UTP20: variants seen among roughly 807,000 people sequenced by gnomAD.
The protein encoded by UTP20 is small subunit processome component 20 homolog.
Under a neutral mutation model 329.5 loss-of-function variants are expected in UTP20, and 164 were observed. The ratio of observed to expected loss-of-function variants is 0.50; its 90% CI spans 0.44 to 0.57. UTP20 has a LOEUF of 0.57. Among genes scored for constraint, UTP20 ranks in the 20% least tolerant of loss-of-function variants. The probability of loss-of-function intolerance (pLI) is 0.00; values close to 1 mark genes in which losing one functional copy is unlikely to be tolerated. For synonymous variants in UTP20, 1,151 were observed against 1,159.3 expected, an observed-to-expected ratio of 0.99 and a Z score of 0.14; for missense variants, 3,055 against 3,284.2, an observed-to-expected ratio of 0.93 and a Z score of 1.71.
At chr12:101,360,234 G>GT (rs999882453) in intron 43 of UTP20, among the ~76,000 whole-genome samples, 1 of 152,034 alleles carries the variant, frequency 6.6e-6, no homozygotes, top group East Asian at 1.9e-4. Context: ...CCACCAAAAG[G>GT]TTTTTTTACA....
At chr12:101,293,064 A>G (rs1327631496) in intron 10 of UTP20, 104 bp from the exon 11 acceptor site, 2 of 1,140,338 alleles carry the variant, frequency 1.8e-6, no homozygotes, top group Admixed American at 1.8e-5. Flanking sequence ...TGGACAGAGC[A>G]CTGAGTGAAG....
chr12:101,291,540 C>CA (rs34248827), intron 8 of UTP20: 8,935 of 76,440 alleles, frequency 0.12, 508 homozygotes, highest in Non-Finnish European at 0.14. Context: ...AACTCCATCT[C>CA]AAAAAAAAAA....
At chr12:101,367,744 T>G in intron 47 of UTP20, 116 bp from the exon 48 acceptor site, 1 of 689,350 alleles carries the variant, frequency 1.5e-6, no homozygotes, top group Non-Finnish European at 2.5e-6. Flanking sequence ...TGTTTTATCA[T>G]TTCTAATAGA....
rs1325411452 is a variant in UTP20 at position 101,371,045 on chromosome 12, T to C, written c.6688-13T>C. On this transcript the variant is annotated splice_polypyrimidine_tract_variant and intron_variant, in intron 50 of 61. Transcript: ENST00000261637. ...CACATGAAATGAGTATGTCTTTTCC[T>C]TTTGTATCTTAGGCAATTTTATCAA... The C allele has an allele frequency of 6.2e-7, 1 of 1,612,682 alleles. No homozygotes were observed. Among genetic ancestry groups the C allele is most frequent in the Middle Eastern group, 1.7e-4 (1 of 6,054 alleles).
Position 101,320,897 on chromosome 12 carries a change from T to C in UTP20, c.2875T>C (p.Cys959Arg). The C allele has an allele frequency of 1.2e-6, 2 of 1,612,072 alleles. No individual in the cohort carries two copies. The highest frequency in any genetic ancestry group is 8.5e-7 in the Non-Finnish European group (1 of 1,179,668). ...AATGGTGCAAAAAATAACCTTGGAT[T>C]GCATAATGACATATAAACATCCTCA... ...DQMVQKITLD[C>R]IMTYKHPHVL... The change falls in exon 24 of 62, where the codon TGC becomes CGC. Residue 959 changes from cysteine (C) to arginine (R), a missense_variant. Cys to Arg is a radical substitution (Grantham distance 180). Coordinates refer to ENST00000261637, the MANE Select transcript of UTP20 (RefSeq NM_014503.3).
At chr12:101,343,515 A>G (rs1869217030) in intron 35 of UTP20, among the ~76,000 whole-genome samples, 1 of 152,074 alleles carries the variant, frequency 6.6e-6, no homozygotes, top group South Asian at 2.1e-4. Flanking sequence ...ACTGAATTGT[A>G]AATTTTTTTT....
chr12:101,309,037 C>G (rs1188767302), intron 18 of UTP20, among the ~76,000 whole-genome samples: 1 of 151,982 alleles, frequency 6.6e-6, no homozygotes, highest in Non-Finnish European at 1.5e-5. Flanking sequence ...CCGGCCCAGC[C>G]CTCTATGTTT....
At chr12:101,359,367 C>A (rs1195617194) in intron 43 of UTP20, among the ~76,000 whole-genome samples, 1 of 152,164 alleles carries the variant, frequency 6.6e-6, no homozygotes, top group East Asian at 1.9e-4. Flanking sequence ...CACCCAGCCC[C>A]AGTATTTTTT....
intron 56 of UTP20, among the ~76,000 whole-genome samples, chr12:101,376,743 G>A (rs965715722): frequency 1.6e-4 from 25 of 152,070 alleles, no homozygotes; most frequent in African/African-American, 6.0e-4. Context: ...TCCGCCTTCC[G>A]GATTCAAGTG....
In UTP20 at chr12:101,345,586, C is replaced by T; in HGVS notation, c.4638C>T (p.Ser1546=). ...SIQQDYTTIL[S]CLIQTFPNQL... ...AGCAGGATTATACCACAATACTTTCCTGTTTAATTCAAACCTTTCCAAACC... is the reference window on the plus strand; with the variant it reads ...AGCAGGATTATACCACAATACTTTCTTGTTTAATTCAAACCTTTCCAAACC... The change falls in exon 37 of 62, where the codon TCC becomes TCT. Residue 1546 remains serine, a synonymous_variant. Coordinates refer to ENST00000261637, the MANE Select transcript of UTP20 (RefSeq NM_014503.3). 1 of 1,604,366 alleles carries T rather than the reference C, an allele frequency of 6.2e-7. No homozygotes were observed. The highest frequency in any genetic ancestry group is 8.5e-7 in the Non-Finnish European group (1 of 1,171,976).
chr12:101,381,286 C>G, intron 58 of UTP20, 75 bp downstream of exon 58: 1 of 1,319,536 alleles, frequency 7.6e-7, no homozygotes, highest in Non-Finnish European at 1.1e-6. Context: ...AATCCCAGCA[C>G]TTTGAGAGGC....
Position 101,379,370 on chromosome 12 carries a change from G to T in UTP20, c.7397-1G>T. On this transcript the variant is annotated splice_acceptor_variant, in intron 56 of 61. Coordinates refer to ENST00000261637, the MANE Select transcript of UTP20 (RefSeq NM_014503.3). LOFTEE classifies it high-confidence loss of function. ...CCACAAATGCTTTTTGGTTCCCTTA[G>T]GTCATGTGCATTCTCACCTGAGACA... 1 of 1,601,122 alleles carries T rather than the reference G, an allele frequency of 6.2e-7. No homozygotes were observed. Among genetic ancestry groups the T allele is most frequent in the Admixed American group, 1.7e-5 (1 of 58,542 alleles).
intron 43 of UTP20, among the ~76,000 whole-genome samples, chr12:101,360,723 G>A (rs767717073): frequency 2.0e-5 from 3 of 152,084 alleles, no homozygotes; most frequent in Non-Finnish European, 4.4e-5. Context: ...CAGCTACTCG[G>A]GAGGCTGAGG....
Position 101,289,023 on chromosome 12 carries a change from T to C in UTP20, c.579T>C (p.Phe193=). ...LHIRNFAAES[F]TFLMRKVSDK... is the part of the protein sequence containing the mutation. ...TAAGAAATTTTGCTGCTGAAAGTTT[T>C]ACTTTTTTGATGAGAAAGGTTAGTC... The change falls in exon 6 of 62, where the codon TTT becomes TTC. Residue 193 remains phenylalanine (F), a synonymous_variant. Coordinates refer to ENST00000261637, the MANE Select transcript of UTP20 (RefSeq NM_014503.3). 1.2e-6 allele frequency: 2 copies of C among 1,613,594 alleles called. No individual in the cohort carries two copies. The highest frequency in any genetic ancestry group is 1.7e-6 in the Non-Finnish European group (2 of 1,179,608).
intron 11 of UTP20, among the ~76,000 whole-genome samples, chr12:101,294,614 C>T (rs1872288673): frequency 6.7e-6 from 1 of 149,144 alleles, no homozygotes; most frequent in Admixed American, 6.7e-5. Flanking sequence ...GCCATCTCTG[C>T]TTACTGCAAC....
intron 53 of UTP20, 56 bp downstream of exon 53, chr12:101,373,526 TG>T: frequency 6.2e-7 from 1 of 1,613,458 alleles, no homozygotes. Context: ...AGTCCCCCTT[TG>T]CTAGAGCATC....
At chr12:101,340,715 C>T (rs1049546460) in intron 32 of UTP20, 105 bp downstream of exon 32, 14 of 709,284 alleles carry the variant, frequency 2.0e-5, no homozygotes, top group South Asian at 1.1e-4. Context: ...ATGCATTTGT[C>T]GCAAGGAACT....
At chr12:101,322,236 C>T (rs1183957205) in intron 25 of UTP20, among the ~76,000 whole-genome samples, 9 of 152,086 alleles carry the variant, frequency 5.9e-5, no homozygotes, top group Non-Finnish European at 1.0e-4. Context: ...GCGATCCACC[C>T]GCCTCTGCCT....
chr12:101,303,975 CT>C (rs1237162817), intron 15 of UTP20, among the ~76,000 whole-genome samples: 2 of 152,208 alleles, frequency 1.3e-5, no homozygotes, highest in African/African-American at 4.8e-5. Context: ...ACTTCTCATA[CT>C]TTCACCCTTG....
Sources: allele counts gnomAD v4.1 joint callset (sites outside exome capture counted in the v4.1 genomes callset), GRCh38; gene constraint gnomAD v4.1.1; transcripts MANE v1.5; gene names NCBI Gene and HGNC (gene_info 2026-07-23, HGNC 2026-07-21).